AGPAT4: variants seen among roughly 807,000 people sequenced by gnomAD.
AGPAT4 encodes 1-acyl-sn-glycerol-3-phosphate acyltransferase delta.
Under a neutral mutation model 48.0 loss-of-function variants are expected in AGPAT4, and 15 were observed. That is an observed-to-expected ratio of 0.31 (90% CI 0.21 to 0.48). The LOEUF is 0.48. Ranked by LOEUF, AGPAT4 falls within the 20% of genes least tolerant of loss-of-function variation. The probability of loss-of-function intolerance (pLI) is 0.99; values close to 1 mark genes in which losing one functional copy is unlikely to be tolerated. For missense variants in AGPAT4, 314 were observed against 482.5 expected (o/e 0.65, Z 3.27); for synonymous variants, 178 against 198.7 (o/e 0.90, Z 0.88).
intron 8 of AGPAT4, among the ~76,000 whole-genome samples, chr6:161,136,973 A>G (rs1779087466): frequency 6.6e-6 from 1 of 151,998 alleles, no homozygotes; most frequent in Non-Finnish European, 1.5e-5. Flanking sequence ...TCTTTTGTGA[A>G]TAAGGGACAG....
At chr6:161,258,400 T>C (rs1464618207) in intron 1 of AGPAT4, among the ~76,000 whole-genome samples, 1 of 152,212 alleles carries the variant, frequency 6.6e-6, no homozygotes, top group Non-Finnish European at 1.5e-5. Flanking sequence ...TAGACTTTTG[T>C]TTTGTACAAA....
chr6:161,139,660 G>T lies in AGPAT4; in HGVS notation c.844-40C>A. 1 of 1,528,344 alleles carries T rather than the reference G, an allele frequency of 6.5e-7. No individual in the cohort carries two copies. The highest frequency in any genetic ancestry group is 8.9e-7 in the Non-Finnish European group (1 of 1,126,030). The allele number at this position is 1,528,344 out of a possible 1,614,324, so 94.7% of individuals were successfully genotyped here. A position where few individuals can be genotyped will look rare whatever the true frequency, so the allele number is the denominator to read the frequency against. ...AGAGGACCCTCAGACGCCACACGGG[G>T]CTCGGTGGCAGGTCCCTCCCGAGGC... On this transcript the variant is annotated intron_variant, in intron 7 of 8. Coordinates refer to ENST00000320285, the MANE Select transcript of AGPAT4 (RefSeq NM_020133.3). This position sits in a 1 kb window ranked among gnomAD's most constrained non-coding sequence, Gnocchi z 9.1.
chr6:161,231,952 GC>G lies in AGPAT4; in HGVS notation c.178+83del. ...AAAAACAGCTCGGCACACAACGAAA[GC>G]CTAGTGAATCCATATCAAGAGCCAT... is the stretch of plus-strand genomic sequence containing the variant. On this transcript the variant is annotated intron_variant, in intron 2 of 8. Coordinates refer to ENST00000320285, the MANE Select transcript of AGPAT4 (RefSeq NM_020133.3). This position sits in a 1 kb window ranked among gnomAD's most constrained non-coding sequence, Gnocchi z 5.3. 1.5e-6 allele frequency: 2 copies of G among 1,372,666 alleles called. No individual in the cohort carries two copies. The highest frequency in any genetic ancestry group is 2.0e-6 in the Non-Finnish European group (2 of 1,004,976). The allele number at this position is 1,372,666 out of a possible 1,614,324, so 85.0% of individuals were successfully genotyped here. A position where few individuals can be genotyped will look rare whatever the true frequency, so the allele number is the denominator to read the frequency against.
intron 3 of AGPAT4, among the ~76,000 whole-genome samples, chr6:161,162,987 C>T (rs941622290): frequency 2.6e-5 from 4 of 152,244 alleles, no homozygotes; most frequent in Admixed American, 6.5e-5. Flanking sequence ...CAAGGTTCAG[C>T]GTGTGACTCC....
At chr6:161,268,038 G>A (rs914035154) in intron 1 of AGPAT4, among the ~76,000 whole-genome samples, 12 of 152,208 alleles carry the variant, frequency 7.9e-5, no homozygotes, top group African/African-American at 2.4e-4. Flanking sequence ...CTGGGTTAAC[G>A]TCTCAGCTCT....
chr6:161,197,832 G>A lies in AGPAT4; in HGVS notation c.179-31415C>T, dbSNP rs1781112964. Among the ~76,000 whole-genome samples, 1 of 152,148 alleles carries A rather than the reference G, an allele frequency of 6.6e-6. No individual in the cohort carries two copies. Among genetic ancestry groups the A allele is most frequent in the African/African-American group, 2.4e-5 (1 of 41,428 alleles). ...TAAAATTACTTACGTGGACTCTAGA[G>A]GAAATGTCATCATCAATAAATACCC... is the stretch of plus-strand genomic sequence containing the variant. On this transcript the variant is annotated intron_variant, in intron 2 of 8. Coordinates refer to ENST00000320285, the MANE Select transcript of AGPAT4 (RefSeq NM_020133.3). This position sits in a 1 kb window ranked among gnomAD's most constrained non-coding sequence, Gnocchi z 5.7.
Position 161,218,121 on chromosome 6 carries a change from G to C in AGPAT4, c.178+13915C>G, listed in dbSNP as rs542332340. 6.6e-6 allele frequency among the ~76,000 whole-genome samples: 1 copy of C among 152,204 alleles called. No individual in the cohort carries two copies. The highest frequency in any genetic ancestry group is 1.5e-5 in the Non-Finnish European group (1 of 68,044). ...TGGCAAGAGAACCACATGCCCTGGGGTGGACATACAACCTGCACAAGATGA... is the reference window on the plus strand; with the variant it reads ...TGGCAAGAGAACCACATGCCCTGGGCTGGACATACAACCTGCACAAGATGA... On this transcript the variant is annotated intron_variant, in intron 2 of 8. Transcript: ENST00000320285. This position sits in a 1 kb window ranked among gnomAD's most constrained non-coding sequence, Gnocchi z 4.7.
At chr6:161,256,291 G>A (rs573693937) in intron 1 of AGPAT4, among the ~76,000 whole-genome samples, 1 of 152,326 alleles carries the variant, frequency 6.6e-6, no homozygotes, top group African/African-American at 2.4e-5. Context: ...CCAGGCAAGA[G>A]GAAATCAACC....
chr6:161,191,343 T>C (rs1238741431), intron 2 of AGPAT4, among the ~76,000 whole-genome samples: 1 of 152,134 alleles, frequency 6.6e-6, no homozygotes, highest in Non-Finnish European at 1.5e-5. Flanking sequence ...ATAAGAAGTA[T>C]GGAAGAGTTA....
In AGPAT4 at chr6:161,183,754, A is replaced by T. The variant is rs1187395973; in HGVS notation, c.179-17337T>A. Among the ~76,000 whole-genome samples, 161 of 92,572 alleles carry T rather than the reference A, an allele frequency of 1.7e-3. 1 individual carries two copies. The highest frequency in any genetic ancestry group is 2.9e-3 in the Admixed American group (25 of 8,672). 60.7% of individuals were successfully genotyped at this position (92,572 alleles called of 152,430 possible). On this transcript the variant is annotated intron_variant, in intron 2 of 8. Coordinates refer to ENST00000320285, the MANE Select transcript of AGPAT4 (RefSeq NM_020133.3). ...GAGGGGAGGGGAGGGGAGGGGAGGG[A>T]GGCTGATCCTTCTGGGGGGCCCAGA...
rs1319008850 is a variant in AGPAT4 at position 161,239,011 on chromosome 6, T to C, written c.-89-6709A>G. ...TATGTCTTTATTAGCTGTGTGAGAATAGACTAATTAATACACATAAGAATA... is the reference window on the plus strand; with the variant it reads ...TATGTCTTTATTAGCTGTGTGAGAACAGACTAATTAATACACATAAGAATA... On this transcript the variant is annotated intron_variant, in intron 1 of 8. Coordinates refer to ENST00000320285, the MANE Select transcript of AGPAT4 (RefSeq NM_020133.3). Among the ~76,000 whole-genome samples, 12 of 152,186 alleles carry C rather than the reference T, an allele frequency of 7.9e-5. 1 individual carries two copies. Among genetic ancestry groups the C allele is most frequent in the South Asian group, 6.2e-4 (3 of 4,818 alleles).
intron 2 of AGPAT4, among the ~76,000 whole-genome samples, chr6:161,172,628 C>CAA (rs59148152): frequency 0.047 from 7,200 of 152,150 alleles, 203 homozygotes; most frequent in Middle Eastern, 0.11. Flanking sequence ...AAACTTTTGT[C>CAA]ATATTTTTAT....
rs115433409 is a variant in AGPAT4 at position 161,155,373 on chromosome 6, G to T, written c.349-1063C>A. Among the ~76,000 whole-genome samples, 694 of 152,230 alleles carry T rather than the reference G, an allele frequency of 4.6e-3. 8 individuals carry two copies. The highest frequency in any genetic ancestry group is 0.015 in the African/African-American group (636 of 41,536). ...TGATCAATGGGATATCAGCGGTCAG[G>T]GCAGCCCTAAACCTAGGATGCCCAC... On this transcript the variant is annotated intron_variant, in intron 3 of 8. Coordinates refer to ENST00000320285, the MANE Select transcript of AGPAT4 (RefSeq NM_020133.3). The surrounding 1 kb of genome is among the most constrained non-coding windows in gnomAD (Gnocchi z 5.8).
At position 161,177,986 on chromosome 6, in the gene AGPAT4, G is replaced by A. The variant is rs1334182472; in HGVS notation, c.179-11569C>T. Among the ~76,000 whole-genome samples, 1 of 152,182 alleles carries A rather than the reference G, an allele frequency of 6.6e-6. No homozygotes were observed. The highest frequency in any genetic ancestry group is 1.5e-5 in the Non-Finnish European group (1 of 68,030). On this transcript the variant is annotated intron_variant, in intron 2 of 8. Coordinates refer to ENST00000320285, the MANE Select transcript of AGPAT4 (RefSeq NM_020133.3). The surrounding 1 kb of genome is among the most constrained non-coding windows in gnomAD (Gnocchi z 5.0). ...CAGCAAATATTACAGAACAGCAAAT[G>A]TTGCTGCCTGATCCTTCCTCTGAAA...
chr6:161,172,946 A>T (rs1055236061), intron 2 of AGPAT4, among the ~76,000 whole-genome samples: 18 of 152,182 alleles, frequency 1.2e-4, no homozygotes, highest in African/African-American at 4.1e-4. Flanking sequence ...TTCCAGCTTC[A>T]TCCATATCCC....
chr6:161,213,811 T>A (rs1292828297), intron 2 of AGPAT4, among the ~76,000 whole-genome samples: 1 of 152,110 alleles, frequency 6.6e-6, no homozygotes, highest in East Asian at 1.9e-4. Flanking sequence ...ATAACTTAGA[T>A]CCTACCTGTC....
chr6:161,133,560 A>G lies in AGPAT4; in HGVS notation c.*2980T>C, dbSNP rs932008683. 1 of 152,166 alleles carries G rather than the reference A, an allele frequency of 6.6e-6. No homozygotes were observed. The highest frequency in any genetic ancestry group is 2.4e-5 in the African/African-American group (1 of 41,438). The allele number at this position is 152,166 out of a possible 1,614,324, so 9.4% of individuals were successfully genotyped here. A position where few individuals can be genotyped will look rare whatever the true frequency, so the allele number is the denominator to read the frequency against. On this transcript the variant is annotated 3_prime_UTR_variant, in exon 9 of 9. Coordinates refer to ENST00000320285, the MANE Select transcript of AGPAT4 (RefSeq NM_020133.3). ...AATCAGTCCAGTCCCCCAGACCTCA[A>G]GCTGCATCTTCCAAATGGTTGGTGT...
At chr6:161,269,501 CG>C (rs1321552169) in intron 1 of AGPAT4, among the ~76,000 whole-genome samples, 4 of 152,166 alleles carry the variant, frequency 2.6e-5, no homozygotes, top group Admixed American at 6.5e-5. Flanking sequence ...CCAGGGCAGG[CG>C]CGGTGGCTCA....
intron 2 of AGPAT4, among the ~76,000 whole-genome samples, chr6:161,213,841 T>G (rs1371484242): frequency 6.6e-6 from 1 of 152,132 alleles, no homozygotes; most frequent in African/African-American, 2.4e-5. Flanking sequence ...GCCATCCTAG[T>G]CATGAGAGAT....
Sources: gnomAD v4.1 joint callset for allele counts (sites outside exome capture counted in the v4.1 genomes callset) on GRCh38, gnomAD v4.1.1 for gene constraint, Gnocchi (gnomAD v3.1) non-coding constraint, MANE v1.5 for transcripts, NCBI Gene and HGNC (gene_info 2026-07-23, HGNC 2026-07-21) for gene names.